SEZ6L2: variants seen among roughly 807,000 people sequenced by gnomAD.
The protein encoded by SEZ6L2 is seizure 6-like protein 2.
SEZ6L2 carries 44 observed loss-of-function variants against 97.0 expected under a neutral mutation model. The observed-to-expected ratio is 0.45, with a 90% CI of 0.36 to 0.58. The LOEUF is 0.58. Among genes scored for constraint, SEZ6L2 ranks in the 20% least tolerant of loss-of-function variants. SEZ6L2 has a pLI of 0.00. For synonymous variants in SEZ6L2, 543 were observed against 546.1 expected, an observed-to-expected ratio of 0.99 and a Z score of 0.08; for missense variants, 1,086 against 1,233.3, an observed-to-expected ratio of 0.88 and a Z score of 1.79.
In SEZ6L2 at chr16:29,895,748, G is replaced by A; in HGVS notation, c.624C>T (p.Val208=). The A allele has an allele frequency of 6.2e-7, 1 of 1,613,970 alleles. No individual in the cohort carries two copies. The highest frequency in any genetic ancestry group is 8.5e-7 in the Non-Finnish European group (1 of 1,179,958). The part of the protein sequence containing the change: ...GLLDCTYSIH[V]YPGYGIEIQV... The stretch of plus-strand genomic sequence containing the variant: ...GGATCTCAATGCCGTAGCCAGGGTA[G>A]ACATGGATGCTGTAAGTGCAGTCCA... The change falls in exon 4 of 18, where the codon GTC becomes GTT. Residue 208 remains valine (V), a synonymous_variant. Coordinates refer to ENST00000617533, the MANE Select transcript of SEZ6L2 (RefSeq NM_001243332.2).
intron 3 of SEZ6L2, 78 bp from the exon 4 acceptor site, chr16:29,895,938 C>T (rs182768628): frequency 9.2e-6 from 13 of 1,420,022 alleles, no homozygotes; most frequent in Middle Eastern, 1.8e-4. Flanking sequence ...TGGCCTTCAT[C>T]TCCCTTCTCC....
At position 29,876,994 on chromosome 16, in the gene SEZ6L2, C is replaced by A; in HGVS notation, c.1910-44G>T. ...GAGTTTGGAGGCTGCGTTTTAACTG[C>A]GGGCTCCCTTCCAGCCTCGGAGGCT... On this transcript the variant is annotated intron_variant, in intron 11 of 17. Transcript: ENST00000617533. This position sits in a 1 kb window ranked among gnomAD's most constrained non-coding sequence, Gnocchi z 6.5. 6.4e-7 allele frequency: 1 copy of A among 1,553,538 alleles called. No homozygotes were observed. The highest frequency in any genetic ancestry group is 1.2e-5 in the South Asian group (1 of 86,466).
chr16:29,877,538 T>C, intron 10 of SEZ6L2, 71 bp from the exon 11 acceptor site: 1 of 1,356,908 alleles, frequency 7.4e-7, no homozygotes, highest in South Asian at 1.4e-5. Context: ...TGCCCCATCC[T>C]CAACTCTGCT....
In SEZ6L2 at chr16:29,898,453, C is replaced by T. The variant is rs929153572; in HGVS notation, c.80-469G>A. ...TCTCTCTCTCTCTCTCTCTCCCCCC[C>T]ACCCTCTCTCTCTCTGGTCCTCTGC... On this transcript the variant is annotated intron_variant, in intron 1 of 17. Transcript: ENST00000617533. Among the ~76,000 whole-genome samples, 20 of 152,050 alleles carry T rather than the reference C, an allele frequency of 1.3e-4. 2 individuals carry two copies. Among genetic ancestry groups the T allele is most frequent in the Admixed American group, 4.6e-4 (7 of 15,282 alleles).
At chr16:29,872,856 T>A in intron 14 of SEZ6L2, 113 bp from the exon 15 acceptor site, 1 of 817,480 alleles carries the variant, frequency 1.2e-6, no homozygotes, top group Non-Finnish European at 1.9e-6. Flanking sequence ...CTCTGCCCTC[T>A]GCTCAACCTC....
At chr16:29,871,946 T>G (rs929348301) in intron 17 of SEZ6L2, among the ~76,000 whole-genome samples, 20 of 152,166 alleles carry the variant, frequency 1.3e-4, no homozygotes, top group Non-Finnish European at 2.1e-4. Context: ...CTGCCAATTG[T>G]GCCTCAGTTT....
In SEZ6L2 at chr16:29,872,511, T is replaced by G; in HGVS notation, c.2543A>C (p.Asp848Ala). 1.2e-6 allele frequency: 2 copies of G among 1,614,162 alleles called. No homozygotes were observed. The highest frequency in any genetic ancestry group is 1.7e-6 in the Non-Finnish European group (2 of 1,180,042). Residue 848 changes from aspartate (D) to alanine (A), a missense_variant, in exon 16 of 18, where the codon GAT (aspartate) becomes GCT (alanine). This residue lies in a region of SEZ6L2 where 310 missense variants were observed against 438.6 expected (regional missense o/e 0.71). Transcript: ENST00000617533. ...NRKLEVTQTT[D>A]PSRQLEGGNL... ...CCCCCCTTCCAGCTGCCGTGATGGA[T>G]CTGTGGTCTGGGTCACTACAGGAGG...
intron 17 of SEZ6L2, 62 bp from the exon 18 acceptor site, chr16:29,871,790 T>C: frequency 1.3e-6 from 2 of 1,494,298 alleles, no homozygotes; most frequent in Non-Finnish European, 1.8e-6. Context: ...GGCAGCCGAA[T>C]GGGAGGAGGG....
intron 8 of SEZ6L2, among the ~76,000 whole-genome samples, chr16:29,883,894 C>T (rs1198650555): frequency 2.6e-5 from 4 of 151,852 alleles, no homozygotes; most frequent in East Asian, 3.9e-4. Context: ...ATCGGGCCAC[C>T]GCACTACGGC....
At chr16:29,893,368 C>T (rs957311129) in intron 5 of SEZ6L2, among the ~76,000 whole-genome samples, 2 of 151,790 alleles carry the variant, frequency 1.3e-5, no homozygotes, top group African/African-American at 4.8e-5. Flanking sequence ...ATTAGGAGGC[C>T]TGGCGTGGTG....
intron 8 of SEZ6L2, among the ~76,000 whole-genome samples, 178 bp downstream of exon 8, chr16:29,885,408 A>G (rs2068115718): frequency 6.6e-6 from 1 of 151,842 alleles, no homozygotes; most frequent in Non-Finnish European, 1.5e-5. Flanking sequence ...TGCCTGGGGG[A>G]AGGAGAAGGG....
chr16:29,884,132 G>C (rs2068082565), intron 8 of SEZ6L2, among the ~76,000 whole-genome samples: 1 of 152,012 alleles, frequency 6.6e-6, no homozygotes, highest in African/African-American at 2.4e-5. Context: ...ACCAGGGAAG[G>C]CCACGTGAGG....
intron 15 of SEZ6L2, 57 bp downstream of exon 15, chr16:29,872,648 C>T: frequency 1.2e-6 from 2 of 1,606,490 alleles, no homozygotes; most frequent in Non-Finnish European, 1.7e-6. Context: ...CTGCCCCAGC[C>T]TCTGCCTTGC....
chr16:29,889,837 A>G (rs2068233263), intron 5 of SEZ6L2, among the ~76,000 whole-genome samples: 1 of 151,640 alleles, frequency 6.6e-6, no homozygotes, highest in Non-Finnish European at 1.5e-5. Flanking sequence ...TATGTTGCCC[A>G]GGCTGGTCTT....
At chr16:29,879,764 G>T in intron 9 of SEZ6L2, 100 bp downstream of exon 9, 1 of 1,087,652 alleles carries the variant, frequency 9.2e-7, no homozygotes, top group Non-Finnish European at 1.3e-6. Context: ...GGTGGATGAA[G>T]TCTGGATGTG....
In SEZ6L2 at chr16:29,876,340, C is replaced by T. The variant is rs1186571264; in HGVS notation, c.2104+416G>A. ...CCTACAATTTCAACTGATAGGACTG[C>T]GGGATTGGGGCGGGGCGTAGGACAG... is the stretch of plus-strand genomic sequence containing the variant. On this transcript the variant is annotated intron_variant, in intron 12 of 17. Coordinates refer to ENST00000617533, the MANE Select transcript of SEZ6L2 (RefSeq NM_001243332.2). This position sits in a 1 kb window ranked among gnomAD's most constrained non-coding sequence, Gnocchi z 6.5. Among the ~76,000 whole-genome samples, 1 of 152,072 alleles carries T rather than the reference C, an allele frequency of 6.6e-6. No homozygotes were observed. Among genetic ancestry groups the T allele is most frequent in the Non-Finnish European group, 1.5e-5 (1 of 68,010 alleles).
rs368062152 is a variant in SEZ6L2, at chr16:29,875,191, T to A, written c.2105-1462A>T. ...CACCTGGCACAAACATAATATTTAA[T>A]CCTGATTATCCTGAGAGGCCAATGT... On this transcript the variant is annotated intron_variant, in intron 12 of 17. Transcript: ENST00000617533. Among the ~76,000 whole-genome samples the A allele has an allele frequency of 2.6e-5, 4 of 152,282 alleles. No individual in the cohort carries two copies. The East Asian group carries it at 7.7e-4, about 29-fold the overall frequency.
intron 8 of SEZ6L2, 79 bp from the exon 9 acceptor site, chr16:29,880,143 G>A (rs531932104): frequency 1.0e-5 from 14 of 1,397,054 alleles, no homozygotes; most frequent in Admixed American, 2.3e-5. Flanking sequence ...GGGCTGAATT[G>A]GGGTGTTCTT....
Position 29,899,082 on chromosome 16 carries a change from C to T in SEZ6L2, c.-63G>A. The T allele has an allele frequency of 8.8e-7, 1 of 1,139,274 alleles. No homozygotes were observed. Among genetic ancestry groups the T allele is most frequent in the Non-Finnish European group, 1.3e-6 (1 of 788,074 alleles). 70.6% of individuals were successfully genotyped at this position (1,139,274 alleles called of 1,614,324 possible). On this transcript the variant is annotated 5_prime_UTR_variant, in exon 1 of 18. Transcript: ENST00000617533. ...AAGTAATCTGGCTGCCACCTTTCCT[C>T]CGTCTCCGTTTATCTTTCCCTTTAA...
Sources: allele counts gnomAD v4.1 joint callset (sites outside exome capture counted in the v4.1 genomes callset), GRCh38; gene constraint gnomAD v4.1.1; regional missense constraint gnomAD v4.1.1; non-coding constraint Gnocchi (gnomAD v3.1); transcripts MANE v1.5; gene names NCBI Gene and HGNC (gene_info 2026-07-23, HGNC 2026-07-21).